The following PPP1R12A variants were observed in gnomAD, a reference collection of about 807,000 sequenced individuals.
PPP1R12A encodes the protein protein phosphatase 1 regulatory subunit 12A.
A neutral mutation model predicts 139.6 loss-of-function variants in PPP1R12A; 19 were observed. The observed-to-expected ratio is 0.14, with a 90% CI of 0.09 to 0.20. The LOEUF (loss-of-function observed/expected upper bound fraction) is 0.20, where lower values mean the gene tolerates loss of function less well. Among genes scored for constraint, PPP1R12A ranks in the 10% least tolerant of loss-of-function variants. The probability of loss-of-function intolerance (pLI) is 1.00; values close to 1 mark genes in which losing one functional copy is unlikely to be tolerated. For synonymous variants in PPP1R12A, 427 were observed against 420.6 expected (o/e 1.02, Z -0.19); for missense variants, 925 against 1,211.5 (o/e 0.76, Z 3.51).
At chr12:79,918,113 A>T (rs1837788454) in intron 1 of PPP1R12A, among the ~76,000 whole-genome samples, 1 of 152,160 alleles carries the variant, frequency 6.6e-6, no homozygotes, top group Admixed American at 6.5e-5. Context: ...AAAAGTACAG[A>T]AAAACAAAAT....
intron 2 of PPP1R12A, among the ~76,000 whole-genome samples, chr12:79,853,088 A>C (rs1037982146): frequency 6.6e-6 from 1 of 152,216 alleles, no homozygotes; most frequent in Admixed American, 6.5e-5. Context: ...AGGGTGCCTC[A>C]TAACAGCTTG....
rs1405600192 is a variant in PPP1R12A at position 79,774,866 on chromosome 12, T to C, written c.*1063A>G. 1 of 152,422 alleles carries C rather than the reference T, an allele frequency of 6.6e-6. No homozygotes were observed. Among genetic ancestry groups the C allele is most frequent in the African/African-American group, 2.4e-5 (1 of 41,460 alleles). The allele number at this position is 152,422 out of a possible 1,614,324, so 9.4% of individuals were successfully genotyped here. ...TTATCTTATGCAACTTTAATTATGG[T>C]TGAGTACTATCAAGTGAAAACTGAA... is the stretch of plus-strand genomic sequence containing the variant. On this transcript the variant is annotated 3_prime_UTR_variant, in exon 25 of 25. Coordinates refer to ENST00000450142, the MANE Select transcript of PPP1R12A (RefSeq NM_002480.3).
intron 3 of PPP1R12A, among the ~76,000 whole-genome samples, chr12:79,844,333 A>G (rs951977646): frequency 6.6e-6 from 1 of 152,186 alleles, no homozygotes; most frequent in Non-Finnish European, 1.5e-5. Flanking sequence ...TGAAGCCCTA[A>G]TATTTCCCTA....
At chr12:79,845,556 C>T in intron 2 of PPP1R12A, 136 bp from the exon 3 acceptor site, 4 of 639,748 alleles carry the variant, frequency 6.3e-6, no homozygotes, top group Non-Finnish European at 1.0e-5. Context: ...TTTTAAAAAA[C>T]TATCAGGCCA....
At chr12:79,803,994 T>C (rs1447262349) in intron 14 of PPP1R12A, among the ~76,000 whole-genome samples, 3 of 152,068 alleles carry the variant, frequency 2.0e-5, no homozygotes, top group Non-Finnish European at 4.4e-5. Context: ...TGGAGAAATT[T>C]TCAAAAGCAC....
intron 19 of PPP1R12A, among the ~76,000 whole-genome samples, chr12:79,792,960 T>C (rs924085714): frequency 6.6e-6 from 1 of 152,170 alleles, no homozygotes; most frequent in Non-Finnish European, 1.5e-5. Context: ...ATAGGCAAAC[T>C]TGGCCCTAAA....
intron 1 of PPP1R12A, among the ~76,000 whole-genome samples, chr12:79,893,201 T>G (rs1884825537): frequency 6.6e-6 from 1 of 152,168 alleles, no homozygotes; most frequent in Admixed American, 6.5e-5. Flanking sequence ...TGACACACTG[T>G]TAGACCCTAC....
At chr12:79,908,307 C>T (rs1433599114) in intron 1 of PPP1R12A, among the ~76,000 whole-genome samples, 1 of 152,194 alleles carries the variant, frequency 6.6e-6, no homozygotes, top group Non-Finnish European at 1.5e-5. Flanking sequence ...GTAGTGGAAG[C>T]ATCTATGATA....
intron 1 of PPP1R12A, among the ~76,000 whole-genome samples, chr12:79,898,287 T>G (rs1885312986): frequency 6.6e-6 from 1 of 151,988 alleles, no homozygotes. Context: ...CTGTCTCTAC[T>G]AAAATACAAA....
intron 19 of PPP1R12A, among the ~76,000 whole-genome samples, chr12:79,790,911 T>C (rs1871764949): frequency 6.6e-6 from 1 of 152,196 alleles, no homozygotes; most frequent in Non-Finnish European, 1.5e-5. Flanking sequence ...ATTTAAATAT[T>C]AGTGATTTCC....
intron 2 of PPP1R12A, among the ~76,000 whole-genome samples, chr12:79,862,435 C>T (rs770794958): frequency 2.0e-4 from 30 of 152,120 alleles, no homozygotes; most frequent in Non-Finnish European, 4.4e-4. Flanking sequence ...AACTCCTCAC[C>T]AGCAAGGGAA....
chr12:79,804,449 G>C (rs1873572382), intron 14 of PPP1R12A, among the ~76,000 whole-genome samples: 1 of 151,576 alleles, frequency 6.6e-6, no homozygotes, highest in South Asian at 2.1e-4. Flanking sequence ...CTAAATATAG[G>C]CAAAAACTAA....
chr12:79,818,614 G>A (rs537442222), intron 8 of PPP1R12A, among the ~76,000 whole-genome samples: 1 of 152,086 alleles, frequency 6.6e-6, no homozygotes, highest in African/African-American at 2.4e-5. Context: ...TTTCAACAAA[G>A]AACAAAAAAG....
At chr12:79,821,012 C>A in intron 7 of PPP1R12A, 66 bp downstream of exon 7, 1 of 1,594,008 alleles carries the variant, frequency 6.3e-7, no homozygotes, top group South Asian at 1.1e-5. Context: ...CCACAATAAT[C>A]ATGCCTGTGG....
intron 1 of PPP1R12A, among the ~76,000 whole-genome samples, chr12:79,889,781 A>T (rs1229664614): frequency 6.6e-6 from 1 of 152,200 alleles, no homozygotes; most frequent in Non-Finnish European, 1.5e-5. Context: ...ATAAGCAGCA[A>T]ACATTTATTT....
At chr12:79,846,905 A>G (rs1455422838) in intron 2 of PPP1R12A, among the ~76,000 whole-genome samples, 1 of 151,932 alleles carries the variant, frequency 6.6e-6, no homozygotes, top group Non-Finnish European at 1.5e-5. Context: ...AAATTAAACC[A>G]TTTGATTTGG....
chr12:79,892,959 C>G (rs1884796872), intron 1 of PPP1R12A, among the ~76,000 whole-genome samples: 2 of 152,038 alleles, frequency 1.3e-5, no homozygotes, highest in Non-Finnish European at 2.9e-5. Context: ...CAAAAATTAG[C>G]TGGGAGTGGT....
In PPP1R12A at chr12:79,908,361, A is replaced by T. The variant is rs570447360; in HGVS notation, c.237+26334T>A. On this transcript the variant is annotated intron_variant, in intron 1 of 24. Coordinates refer to ENST00000450142, the MANE Select transcript of PPP1R12A (RefSeq NM_002480.3). ...GACTCTAGCTTTAATTTTATTCCAA[A>T]ATAGGAAAAGAGCAGTTAATAATAG... 2.0e-5 allele frequency among the ~76,000 whole-genome samples: 3 copies of T among 152,340 alleles called. No homozygotes were observed. The South Asian group carries it at 6.2e-4, about 32-fold the overall frequency.
rs777808646 is a variant in PPP1R12A, at chr12:79,793,867, G to A, written c.2645C>T (p.Thr882Ile). The A allele has an allele frequency of 6.3e-7, 1 of 1,583,732 alleles. No homozygotes were observed. The highest frequency in any genetic ancestry group is 8.6e-7 in the Non-Finnish European group (1 of 1,162,526). Residue 882 changes from threonine to isoleucine, a missense_variant, in exon 19 of 25, where the codon ACT becomes ATT. Around this residue, in one of 4 missense-constraint regions of PPP1R12A, gnomAD observed 315 missense variants for 363.4 expected, o/e 0.87. Coordinates refer to ENST00000450142, the MANE Select transcript of PPP1R12A (RefSeq NM_002480.3). ...ACAAAAAGTAATGGTATTTACCTGA[G>A]TTTCTTTCTTATTGGATCCCTCTTC... ...DTEEGSNKKETQTDSISRYET... is the reference protein window; with the variant it reads ...DTEEGSNKKEIQTDSISRYET...
Sources: allele counts gnomAD v4.1 joint callset (sites outside exome capture counted in the v4.1 genomes callset), GRCh38; gene constraint gnomAD v4.1.1; regional missense constraint gnomAD v4.1.1; transcripts MANE v1.5; gene names NCBI Gene and HGNC (gene_info 2026-07-23, HGNC 2026-07-21).